CDH13: variants seen among roughly 807,000 people sequenced by gnomAD.
CDH13 encodes cadherin-13.
A neutral mutation model predicts 63.8 loss-of-function variants in CDH13; 24 were observed. That is an observed-to-expected ratio of 0.38 (90% confidence interval 0.27 to 0.53). The LOEUF (loss-of-function observed/expected upper bound fraction) is 0.53, where lower values mean the gene tolerates loss of function less well. Among genes scored for constraint, CDH13 ranks in the 20% least tolerant of loss-of-function variants. CDH13 has a pLI of 0.85. For synonymous variants in CDH13, 503 were observed against 355.3 expected (o/e 1.42, Z -4.67); for missense variants, 1,049 against 903.1 (o/e 1.16, Z -2.07).
intron 5 of CDH13, among the ~76,000 whole-genome samples, chr16:83,271,544 T>G (rs1361050605): frequency 1.4e-5 from 2 of 146,236 alleles, no homozygotes; most frequent in Non-Finnish European, 3.0e-5. Context: ...AAAAACGCTG[T>G]ACCTAGAAGT....
At chr16:82,660,633 T>A (rs2150924243) in intron 1 of CDH13, among the ~76,000 whole-genome samples, 1 of 152,236 alleles carries the variant, frequency 6.6e-6, no homozygotes, top group African/African-American at 2.4e-5. Context: ...TGAGTTATAT[T>A]TAAGCCCTTT....
chr16:83,564,247 C>T (rs2075754207), intron 7 of CDH13, among the ~76,000 whole-genome samples: 1 of 151,826 alleles, frequency 6.6e-6, no homozygotes, highest in African/African-American at 2.4e-5. Context: ...TCAAGTAGCT[C>T]AAAATCTAGC....
At chr16:83,302,773 C>T (rs2089779351) in intron 5 of CDH13, among the ~76,000 whole-genome samples, 1 of 152,152 alleles carries the variant, frequency 6.6e-6, no homozygotes, top group South Asian at 2.1e-4. Flanking sequence ...ACACCAAGCC[C>T]AGCCACAATA....
chr16:82,735,475 T>G (rs1272898665), intron 1 of CDH13, among the ~76,000 whole-genome samples: 1 of 152,204 alleles, frequency 6.6e-6, no homozygotes, highest in African/African-American at 2.4e-5. Flanking sequence ...TGAACTAGAG[T>G]ATCGCCTTGG....
intron 6 of CDH13, among the ~76,000 whole-genome samples, chr16:83,414,094 C>T (rs2092166274): frequency 6.6e-6 from 1 of 152,152 alleles, no homozygotes; most frequent in Admixed American, 6.5e-5. Context: ...ACCTGCTTAC[C>T]AACCTGCTAT....
chr16:82,896,370 C>T (rs928165988), intron 2 of CDH13, among the ~76,000 whole-genome samples: 2 of 142,698 alleles, frequency 1.4e-5, no homozygotes, highest in Non-Finnish European at 1.5e-5. Context: ...CAGCTTATTG[C>T]AGTCTTGGCC....
intron 10 of CDH13, among the ~76,000 whole-genome samples, chr16:83,715,840 T>A (rs1325816317): frequency 6.6e-6 from 1 of 152,092 alleles, no homozygotes; most frequent in East Asian, 1.9e-4. Flanking sequence ...GTCATAGCAA[T>A]TAGGGTGTTT....
At chr16:83,395,028 A>G (rs2091859445) in intron 6 of CDH13, among the ~76,000 whole-genome samples, 3 of 151,940 alleles carry the variant, frequency 2.0e-5, no homozygotes, top group East Asian at 1.9e-4. Flanking sequence ...GGCACCTGTA[A>G]TCCCAGGTAC....
chr16:83,486,789 G>T (rs1378986098), intron 7 of CDH13, 134 bp downstream of exon 7: 4 of 784,436 alleles, frequency 5.1e-6, no homozygotes, highest in Non-Finnish European at 8.1e-6. Flanking sequence ...CCATGTTTTG[G>T]TGGGGAAAAT....
intron 1 of CDH13, among the ~76,000 whole-genome samples, chr16:82,775,799 C>T (rs2035467787): frequency 6.6e-6 from 1 of 152,146 alleles, no homozygotes; most frequent in African/African-American, 2.4e-5. Context: ...ATTAATTTGC[C>T]TGGGTGCAAG....
intron 1 of CDH13, among the ~76,000 whole-genome samples, chr16:82,783,352 T>G (rs554590961): frequency 6.6e-6 from 1 of 152,362 alleles, no homozygotes; most frequent in East Asian, 1.9e-4. Context: ...GATCAGGCTT[T>G]CTGCGATGAT....
rs562817585 is a variant in CDH13 at position 83,441,233 on chromosome 16, C to T, written c.782-45244C>T. 3.3e-5 allele frequency among the ~76,000 whole-genome samples: 5 copies of T among 152,272 alleles called. No homozygotes were observed. In the East Asian group the frequency reaches 9.6e-4, roughly 29 times the overall value. Reference sequence around the variant, plus strand: ...GTCATTTGTTGGCACTCAATCTCTACCTGTTGTTCAATACTTTGAGTACCA... The same window carrying T: ...GTCATTTGTTGGCACTCAATCTCTATCTGTTGTTCAATACTTTGAGTACCA... On this transcript the variant is annotated intron_variant, in intron 6 of 13. Coordinates refer to ENST00000567109, the MANE Select transcript of CDH13 (RefSeq NM_001257.5).
At chr16:82,649,118 A>G (rs1441698620) in intron 1 of CDH13, among the ~76,000 whole-genome samples, 2 of 152,186 alleles carry the variant, frequency 1.3e-5, no homozygotes, top group African/African-American at 4.8e-5. Flanking sequence ...CTTTCTTTAC[A>G]TTTGTTGCTT....
chr16:83,148,185 G>A (rs560675090), intron 4 of CDH13, among the ~76,000 whole-genome samples: 12 of 152,138 alleles, frequency 7.9e-5, no homozygotes, highest in South Asian at 2.1e-4. Flanking sequence ...TGATCCACCC[G>A]CCTCAGCTTC....
At chr16:83,709,395 A>C (rs1907660125) in intron 10 of CDH13, among the ~76,000 whole-genome samples, 1 of 152,006 alleles carries the variant, frequency 6.6e-6, no homozygotes, top group Non-Finnish European at 1.5e-5. Flanking sequence ...CCCCCAGCGG[A>C]CTCCCTCTAT....
chr16:83,584,643 G>T (rs772594728), intron 7 of CDH13, among the ~76,000 whole-genome samples: 17 of 152,200 alleles, frequency 1.1e-4, no homozygotes, highest in Non-Finnish European at 2.4e-4. Context: ...TCCCTCGATA[G>T]TGTCCAGGAG....
intron 5 of CDH13, among the ~76,000 whole-genome samples, chr16:83,250,453 G>GT (rs1340267225): frequency 6.6e-6 from 1 of 152,118 alleles, no homozygotes; most frequent in Non-Finnish European, 1.5e-5. Context: ...TGAGCCCTAG[G>GT]GAAAGGAAGT....
At chr16:83,549,428 G>A (rs1375653048) in intron 7 of CDH13, among the ~76,000 whole-genome samples, 3 of 152,220 alleles carry the variant, frequency 2.0e-5, no homozygotes, top group Non-Finnish European at 4.4e-5. Context: ...TGAGCAGCCT[G>A]TATCAAGGGG....
chr16:82,969,258 C>G (rs1908333774), intron 2 of CDH13, among the ~76,000 whole-genome samples: 1 of 152,098 alleles, frequency 6.6e-6, no homozygotes, highest in Non-Finnish European at 1.5e-5. Flanking sequence ...AACTAGTAAA[C>G]TCTGCTACTG....
Sources: gnomAD v4.1 joint callset for allele counts (sites outside exome capture counted in the v4.1 genomes callset) on GRCh38, gnomAD v4.1.1 for gene constraint, MANE v1.5 for transcripts, NCBI Gene and HGNC (gene_info 2026-07-23, HGNC 2026-07-21) for gene names.